Variants in AP2B1 observed in about 807,000 individuals in gnomAD.
AP2B1 encodes adaptor related protein complex 2 subunit beta 1.
A neutral mutation model predicts 102.0 loss-of-function variants in AP2B1; 23 were observed. That is an observed-to-expected ratio of 0.23 (90% CI 0.16 to 0.32). The LOEUF (loss-of-function observed/expected upper bound fraction) is 0.32. AP2B1 is among the 10% of genes least tolerant of loss of function. AP2B1 has a pLI of 1.00. For synonymous variants in AP2B1, 381 were observed against 421.2 expected (o/e 0.90, Z 1.17); for missense variants, 541 against 1,157.4 (o/e 0.47, Z 7.73).
chr17:35,628,230 A>G (rs1017637826), intron 9 of AP2B1, among the ~76,000 whole-genome samples: 6 of 152,218 alleles, frequency 3.9e-5, no homozygotes, highest in Admixed American at 6.5e-5. Context: ...TTAAGCATCC[A>G]TGGATTTTGG....
chr17:35,697,607 C>G (rs2076164720), intron 18 of AP2B1, among the ~76,000 whole-genome samples: 1 of 152,288 alleles, frequency 6.6e-6, no homozygotes, highest in African/African-American at 2.4e-5. Context: ...ACTGTGAAAA[C>G]AGAAGAACCC....
intron 18 of AP2B1, among the ~76,000 whole-genome samples, chr17:35,705,491 G>T (rs969111370): frequency 7.9e-5 from 12 of 151,956 alleles, no homozygotes; most frequent in African/African-American, 2.9e-4. Flanking sequence ...GAGTAAAAAA[G>T]GTAAAACAGG....
chr17:35,723,131 AGGACTAATACCTT>A (rs2085452033), intron 21 of AP2B1, among the ~76,000 whole-genome samples: 1 of 152,222 alleles, frequency 6.6e-6, no homozygotes, highest in Admixed American at 6.5e-5. Context: ...TAATACAGAA[AGGACTAATACCTT>A]GGACCTACCT....
rs533052103 is a variant in AP2B1 at position 35,596,223 on chromosome 17, G to A, written c.38-2007G>A. Among the ~76,000 whole-genome samples, 42 of 152,202 alleles carry A rather than the reference G, an allele frequency of 2.8e-4. No individual in the cohort carries two copies. In the South Asian group the frequency reaches 8.1e-3, roughly 29 times the overall value. ...CACAATTCAGACTTTCTGAAACCCCGCCGTTTGTCCTTCACTGTTCCCGGA... is the reference window on the plus strand; with the variant it reads ...CACAATTCAGACTTTCTGAAACCCCACCGTTTGTCCTTCACTGTTCCCGGA... On this transcript the variant is annotated intron_variant, in intron 2 of 21. Coordinates refer to ENST00000610402, the MANE Select transcript of AP2B1 (RefSeq NM_001030006.2).
At chr17:35,621,701 C>T (rs2074183697) in intron 5 of AP2B1, among the ~76,000 whole-genome samples, 2 of 152,190 alleles carry the variant, frequency 1.3e-5, no homozygotes, top group African/African-American at 4.8e-5. Context: ...GTGCATTATA[C>T]ACTTGGTTTA....
At chr17:35,722,086 C>CA (rs1187012505) in intron 21 of AP2B1, among the ~76,000 whole-genome samples, 70 of 150,486 alleles carry the variant, frequency 4.7e-4, no homozygotes, top group African/African-American at 1.2e-3. Flanking sequence ...ACTAAAAAGA[C>CA]AAAAAAAAAT....
At position 35,725,046 on chromosome 17, in the gene AP2B1, C is replaced by G. The variant is rs1195961996; in HGVS notation, c.*1347C>G. On this transcript the variant is annotated 3_prime_UTR_variant, in exon 22 of 22. Coordinates refer to ENST00000610402, the MANE Select transcript of AP2B1 (RefSeq NM_001030006.2). ...AAATGCTCTTTATCCCTTCAGCTCT[C>G]TGATCTGCTCTTTCTTCATGATACT... 2.0e-5 allele frequency: 3 copies of G among 152,184 alleles called. No homozygotes were observed. The highest frequency in any genetic ancestry group is 2.9e-5 in the Non-Finnish European group (2 of 68,038). The allele number at this position is 152,184 out of a possible 1,614,324, so 9.4% of individuals were successfully genotyped here.
chr17:35,611,414 TACAGTTAGATGGTCAG>T (rs1205322065), intron 5 of AP2B1, among the ~76,000 whole-genome samples: 7 of 152,164 alleles, frequency 4.6e-5, no homozygotes, highest in African/African-American at 1.7e-4. Context: ...GCAGAACCTA[TACAGTTAGATGGTCAG>T]GGATAAGGCC....
At chr17:35,627,038 G>A (rs559415391) in intron 7 of AP2B1, among the ~76,000 whole-genome samples, 196 bp downstream of exon 7, 12 of 152,150 alleles carry the variant, frequency 7.9e-5, no homozygotes, top group African/African-American at 1.9e-4. Context: ...AATGCCATGC[G>A]TTGCTCCACA....
chr17:35,651,815 G>A (rs2142835580), intron 13 of AP2B1, among the ~76,000 whole-genome samples: 1 of 152,276 alleles, frequency 6.6e-6, no homozygotes, highest in East Asian at 1.9e-4. Context: ...CAGAGGAGAT[G>A]TGAGCTTCAT....
rs771708181 is a variant in AP2B1, at chr17:35,627,432, A to G, written c.986A>G (p.Asn329Ser). The change falls in exon 8 of 22, where the codon AAT becomes AGT. Residue 329 changes from asparagine to serine, a missense_variant. By Grantham distance (46) the Asn-to-Ser change is conservative. This residue lies in a region of AP2B1 where 134 missense variants were observed against 250.2 expected (regional missense o/e 0.54). Transcript: ENST00000610402. ...QEIKVFFVKY[N>S]DPIYVKLEKL... ...ATCAAAGTCTTCTTTGTGAAGTACA[A>G]TGATCCCATCTATGTTAAACTAGAG... 1.2e-6 allele frequency: 2 copies of G among 1,613,906 alleles called. No individual in the cohort carries two copies. Among genetic ancestry groups the G allele is most frequent in the Non-Finnish European group, 1.7e-6 (2 of 1,179,896 alleles).
chr17:35,614,341 T>A (rs2073951627), intron 5 of AP2B1, among the ~76,000 whole-genome samples: 1 of 152,164 alleles, frequency 6.6e-6, no homozygotes, highest in Non-Finnish European at 1.5e-5. Context: ...TATGCTACCA[T>A]GCCCAGCTAA....
chr17:35,596,768 C>T (rs897742861), intron 2 of AP2B1: 11 of 571,450 alleles, frequency 1.9e-5, no homozygotes, highest in Middle Eastern at 4.6e-4. Flanking sequence ...GTACAGCGCC[C>T]GCAGCTGCGC....
intron 1 of AP2B1, among the ~76,000 whole-genome samples, chr17:35,591,596 T>C (rs2073103359): frequency 6.6e-6 from 1 of 152,238 alleles, no homozygotes; most frequent in South Asian, 2.1e-4. Flanking sequence ...ATAGTAAATA[T>C]CCTAGACAGA....
intron 12 of AP2B1, among the ~76,000 whole-genome samples, chr17:35,642,996 A>G (rs1456989223): frequency 3.4e-5 from 5 of 148,750 alleles, no homozygotes; most frequent in African/African-American, 7.4e-5. Context: ...ATTCAAAACA[A>G]TTTCTTTATT....
In AP2B1 at chr17:35,642,725, G is replaced by T. The variant is rs2074817528; in HGVS notation, c.1536+750G>T. On this transcript the variant is annotated intron_variant, in intron 12 of 21. Coordinates refer to ENST00000610402, the MANE Select transcript of AP2B1 (RefSeq NM_001030006.2). The stretch of plus-strand genomic sequence containing the variant: ...CAGATATCCAGTTTACCATTTTTCT[G>T]TCTTTGTCATCCCTTTATACTGGTG... 3.3e-5 allele frequency among the ~76,000 whole-genome samples: 5 copies of T among 152,098 alleles called. No homozygotes were observed. In the South Asian group the frequency reaches 1.0e-3, roughly 32 times the overall value.
chr17:35,689,381 T>C (rs1410539178), intron 18 of AP2B1, among the ~76,000 whole-genome samples: 1 of 152,136 alleles, frequency 6.6e-6, no homozygotes, highest in Non-Finnish European at 1.5e-5. Flanking sequence ...GGTTTCACCA[T>C]GTTGGCCAGG....
intron 5 of AP2B1, among the ~76,000 whole-genome samples, chr17:35,608,819 G>A (rs2073771259): frequency 6.6e-6 from 1 of 152,088 alleles, no homozygotes; most frequent in East Asian, 1.9e-4. Flanking sequence ...AATTTCTAGG[G>A]CAAGATTATT....
At chr17:35,663,343 T>C (rs1318244485) in intron 14 of AP2B1, among the ~76,000 whole-genome samples, 2 of 152,224 alleles carry the variant, frequency 1.3e-5, no homozygotes, top group African/African-American at 4.8e-5. Context: ...GCTAGAATTT[T>C]TATAATTTCT....
Sources: gnomAD v4.1 joint callset for allele counts (sites outside exome capture counted in the v4.1 genomes callset) on GRCh38, gnomAD v4.1.1 for gene constraint, gnomAD v4.1.1 regional missense constraint, MANE v1.5 for transcripts, NCBI Gene and HGNC (gene_info 2026-07-23, HGNC 2026-07-21) for gene names.